Variants in EIF4A1 observed in about 807,000 individuals in gnomAD.
EIF4A1 encodes eukaryotic translation initiation factor 4A1.
EIF4A1 carries 11 observed loss-of-function variants against 53.5 expected under a neutral mutation model. That is an observed-to-expected ratio of 0.21 (90% CI 0.13 to 0.34). The LOEUF (loss-of-function observed/expected upper bound fraction) is 0.34, where lower values mean the gene tolerates loss of function less well. Among genes scored for constraint, EIF4A1 ranks in the 10% least tolerant of loss-of-function variants. The pLI is 1.00. For missense variants in EIF4A1, 213 were observed against 530.8 expected, an observed-to-expected ratio of 0.40 and a Z score of 5.88; for synonymous variants, 237 against 186.7, an observed-to-expected ratio of 1.27 and a Z score of -2.20.
chr17:7,573,136 G>A, intron 1 of EIF4A1: 1 of 591,936 alleles, frequency 1.7e-6, no homozygotes, highest in Non-Finnish European at 3.0e-6. Flanking sequence ...AAGCCCCGGC[G>A]CTGAGTGGCG....
chr17:7,576,859 C>T (rs1567734760), intron 5 of EIF4A1, 167 bp downstream of exon 5: 1 of 1,380,234 alleles, frequency 7.2e-7, no homozygotes, highest in African/African-American at 1.4e-5. Flanking sequence ...GGCTTCCCTG[C>T]CAGTGCAGCC....
At chr17:7,573,253 G>A in intron 1 of EIF4A1, 2 of 377,042 alleles carry the variant, frequency 5.3e-6, no homozygotes, top group Non-Finnish European at 9.8e-6. Context: ...GGGAGGGACG[G>A]CGCGCGGGGT....
rs778466223 is a variant in EIF4A1, at chr17:7,577,732, T to C, written c.906+26T>C. ...GTGTGTTTGCCCGCTGCCAGCCTGT[T>C]GTGGGTCTGCCCGTCAGAAGTGTCC... is the stretch of plus-strand genomic sequence containing the variant. On this transcript the variant is annotated intron_variant, in intron 8 of 10. Transcript: ENST00000293831. This position sits in a 1 kb window ranked among gnomAD's most constrained non-coding sequence, Gnocchi z 4.7. The C allele has an allele frequency of 3.7e-6, 6 of 1,613,706 alleles. No individual in the cohort carries two copies. The highest frequency in any genetic ancestry group is 5.1e-6 in the Non-Finnish European group (6 of 1,180,008).
At position 7,574,286 on chromosome 17, in the gene EIF4A1, TG is replaced by T; in HGVS notation, c.52del (p.Glu18SerfsTer20). ...SRSRDNGPDG[M>X]EPEGVIESNW... ...TCCAGAGACAATGGCCCCGATGGGA[TG>T]GAGCCCGAAGGCGTCATCGAGGTGA... On this transcript the variant is annotated frameshift_variant, in exon 2 of 11. Coordinates refer to ENST00000293831, the MANE Select transcript of EIF4A1 (RefSeq NM_001416.4). LOFTEE classifies it high-confidence loss of function. 1 of 1,614,168 alleles carries T rather than the reference TG, an allele frequency of 6.2e-7. No individual in the cohort carries two copies.
At chr17:7,576,909 C>CG in intron 5 of EIF4A1, 147 bp from the exon 6 acceptor site, 2 of 1,328,482 alleles carry the variant, frequency 1.5e-6, no homozygotes, top group Non-Finnish European at 2.2e-6. Context: ...GTCTGCCTGG[C>CG]GGGAAGGTCC....
Position 7,573,117 on chromosome 17 carries a change from C to T in EIF4A1, c.23+253C>T. ...TACGAGGCCTCGACCCGAGGCGGTG[C>T]CATGCGCGAAGCCCCGGCGCTGAGT... On this transcript the variant is annotated intron_variant, in intron 1 of 10. Transcript: ENST00000293831. 4 of 614,490 alleles carry T rather than the reference C, an allele frequency of 6.5e-6. No homozygotes were observed. The South Asian group carries it at 7.9e-5, about 12-fold the overall frequency. 38.1% of individuals were successfully genotyped at this position (614,490 alleles called of 1,614,324 possible).
Position 7,574,284 on chromosome 17 carries a change from G to T in EIF4A1, c.48G>T (p.Gly16=). 1 of 1,614,230 alleles carries T rather than the reference G, an allele frequency of 6.2e-7. No homozygotes were observed. Among genetic ancestry groups the T allele is most frequent in the Non-Finnish European group, 8.5e-7 (1 of 1,180,048 alleles). The change falls in exon 2 of 11, where the codon GGG becomes GGT. Residue 16 remains glycine, a synonymous_variant. Transcript: ENST00000293831. ...DSRSRDNGPD[G]MEPEGVIESN... is the part of the protein sequence containing the mutation. ...GATCCAGAGACAATGGCCCCGATGG[G>T]ATGGAGCCCGAAGGCGTCATCGAGG...
Position 7,576,641 on chromosome 17 carries a change from A to G in EIF4A1, c.463A>G (p.Ile155Val), listed in dbSNP as rs1171527049. Residue 155 changes from isoleucine (I) to valine (V), a missense_variant, in exon 5 of 11, where the codon ATC (isoleucine) becomes GTC (valine). By Grantham distance (29) the Ile-to-Val change is conservative. Coordinates refer to ENST00000293831, the MANE Select transcript of EIF4A1 (RefSeq NM_001416.4). ...ACTGCAGATGGAAGCTCCCCACATC[A>G]TCGTGGGTACCCCTGGCCGTGTGTT... is the stretch of plus-strand genomic sequence containing the variant. Reference protein sequence around the residue: ...QKLQMEAPHIIVGTPGRVFDM... With the variant: ...QKLQMEAPHIVVGTPGRVFDM... 6.2e-7 allele frequency: 1 copy of G among 1,613,802 alleles called. No individual in the cohort carries two copies.
rs768760841 is a variant in EIF4A1 at position 7,574,278 on chromosome 17, C to A, written c.42C>A (p.Pro14=). ...SQDSRSRDNG[P]DGMEPEGVIE... The stretch of plus-strand genomic sequence containing the variant: ...CCAACAGATCCAGAGACAATGGCCC[C>A]GATGGGATGGAGCCCGAAGGCGTCA... Residue 14 remains proline, a synonymous_variant, in exon 2 of 11, where the codon CCC becomes CCA. Transcript: ENST00000293831. 2 of 1,614,124 alleles carry A rather than the reference C, an allele frequency of 1.2e-6. No homozygotes were observed. The highest frequency in any genetic ancestry group is 4.5e-5 in the East Asian group (2 of 44,878).
intron 4 of EIF4A1, chr17:7,575,508 G>C (rs1399648231): frequency 4.9e-6 from 3 of 607,452 alleles, no homozygotes; most frequent in Non-Finnish European, 8.9e-6. Context: ...GTTTGACTGT[G>C]TTCTGAATAA....
In EIF4A1 at chr17:7,574,482, C is replaced by T. The variant is rs905068889; in HGVS notation, c.73-64C>T. On this transcript the variant is annotated intron_variant, in intron 2 of 10. Coordinates refer to ENST00000293831, the MANE Select transcript of EIF4A1 (RefSeq NM_001416.4). ...TAGTAGGCACCAGATTCTGTTTGCT[C>T]GGAGACTACAGCTCAGCTCCACCTT... is the stretch of plus-strand genomic sequence containing the variant. The T allele has an allele frequency of 1.7e-5, 27 of 1,605,778 alleles. No individual in the cohort carries two copies. In the African/African-American group the frequency reaches 2.4e-4, roughly 14 times the overall value.
At chr17:7,574,919 G>A in intron 3 of EIF4A1, 200 bp from the exon 4 acceptor site, 2 of 1,004,864 alleles carry the variant, frequency 2.0e-6, no homozygotes, top group Middle Eastern at 3.1e-4. Flanking sequence ...GTCCAGCTTG[G>A]TGTGCAATAC....
chr17:7,574,373 T>G (rs1370901276), intron 2 of EIF4A1, 65 bp downstream of exon 2: 10 of 1,611,472 alleles, frequency 6.2e-6, no homozygotes, highest in Non-Finnish European at 8.5e-6. Flanking sequence ...AGAGTTAGAG[T>G]GGCCTCTTGA....
chr17:7,578,671 G>C lies in EIF4A1; in HGVS notation c.*185G>C. The C allele has an allele frequency of 3.4e-6, 2 of 592,604 alleles. No homozygotes were observed. The highest frequency in any genetic ancestry group is 3.9e-5 in the Admixed American group (1 of 25,422). The allele number at this position is 592,604 out of a possible 1,614,324, so 36.7% of individuals were successfully genotyped here. A position where few individuals can be genotyped will look rare whatever the true frequency, so the allele number is the denominator to read the frequency against. On this transcript the variant is annotated 3_prime_UTR_variant, in exon 11 of 11. Transcript: ENST00000293831. ...TTAGACACCCTTTTCTTTGGGGTAG[G>C]CTCTTGCCCCAGGCGCCGGCTCTTC...
rs753741425 is a variant in EIF4A1, at chr17:7,577,673, G to A, written c.873G>A (p.Lys291=). The A allele has an allele frequency of 8.7e-6, 14 of 1,612,764 alleles. No homozygotes were observed. Among genetic ancestry groups the A allele is most frequent in the Middle Eastern group, 1.6e-4 (1 of 6,080 alleles). ...GGAAGGTGGACTGGCTCACCGAGAA[G>A]ATGCATGCTCGAGATTTCACTGTAT... ...TRRKVDWLTE[K]MHARDFTVSA... Residue 291 remains lysine (K), a synonymous_variant, in exon 8 of 11, where the codon AAG becomes AAA. Coordinates refer to ENST00000293831, the MANE Select transcript of EIF4A1 (RefSeq NM_001416.4). The surrounding 1 kb of genome is among the most constrained non-coding windows in gnomAD (Gnocchi z 4.7).
At position 7,576,334 on chromosome 17, in the gene EIF4A1, G is replaced by A; in HGVS notation, c.346-190G>A. The A allele has an allele frequency of 4.9e-6, 3 of 612,392 alleles. No individual in the cohort carries two copies. The South Asian group carries it at 9.0e-5, about 18-fold the overall frequency. 37.9% of individuals were successfully genotyped at this position (612,392 alleles called of 1,614,324 possible). ...AGGAACCAGACTGAGTTGAAATCCT[G>A]TCTTTGCCACCTATTGACAGCACGA... On this transcript the variant is annotated intron_variant, in intron 4 of 10. Coordinates refer to ENST00000293831, the MANE Select transcript of EIF4A1 (RefSeq NM_001416.4).
chr17:7,578,713 A>AAC lies in EIF4A1; in HGVS notation c.*228_*229insCA. 1 of 408,730 alleles carries AAC rather than the reference A, an allele frequency of 2.4e-6. No individual in the cohort carries two copies. The highest frequency in any genetic ancestry group is 2.1e-5 in the African/African-American group (1 of 48,430). The allele number at this position is 408,730 out of a possible 1,614,324, so 25.3% of individuals were successfully genotyped here. Reference sequence around the variant, plus strand: ...CGGCTCTTCTCCCAAAAAAAAAAAAAAAACACTAATCCATTTCCCTAACCT... The same window carrying AAC: ...CGGCTCTTCTCCCAAAAAAAAAAAAAACAAACACTAATCCATTTCCCTAACCT... On this transcript the variant is annotated 3_prime_UTR_variant, in exon 11 of 11. Coordinates refer to ENST00000293831, the MANE Select transcript of EIF4A1 (RefSeq NM_001416.4).
rs945411940 is a variant in EIF4A1 at position 7,573,100 on chromosome 17, C to T, written c.23+236C>T. 7.7e-6 allele frequency: 5 copies of T among 649,364 alleles called. No individual in the cohort carries two copies. In the Admixed American group the frequency reaches 1.4e-4, roughly 19 times the overall value. 40.2% of individuals were successfully genotyped at this position (649,364 alleles called of 1,614,324 possible). A position where few individuals can be genotyped will look rare whatever the true frequency, so the allele number is the denominator to read the frequency against. ...AGGCGTGCGAGGTCTGTTACGAGGC[C>T]TCGACCCGAGGCGGTGCCATGCGCG... On this transcript the variant is annotated intron_variant, in intron 1 of 10. Coordinates refer to ENST00000293831, the MANE Select transcript of EIF4A1 (RefSeq NM_001416.4).
At position 7,575,228 on chromosome 17, in the gene EIF4A1, C is replaced by G. The variant is rs759692707; in HGVS notation, c.315C>G (p.Val105=). The G allele has an allele frequency of 1.2e-6, 2 of 1,613,966 alleles. No homozygotes were observed. Among genetic ancestry groups the G allele is most frequent in the East Asian group, 4.5e-5 (2 of 44,890 alleles). Residue 105 remains valine, a synonymous_variant, in exon 4 of 11, where the codon GTC becomes GTG. Transcript: ENST00000293831. The part of the protein sequence containing the change: ...ELDLKATQAL[V]LAPTRELAQQ... ...ATCTAAAAGCCACCCAGGCCTTGGT[C>G]CTAGCACCCACTCGAGAATTGGCTC...
Sources: allele counts gnomAD v4.1 joint callset, GRCh38; gene constraint gnomAD v4.1.1; non-coding constraint Gnocchi (gnomAD v3.1); transcripts MANE v1.5; gene names NCBI Gene and HGNC (gene_info 2026-07-23, HGNC 2026-07-21).